The following CLCN3 variants were observed in gnomAD, a reference collection of about 807,000 sequenced individuals.
The protein encoded by CLCN3 is H(+)/Cl(-) exchange transporter 3.
Under a neutral mutation model 83.4 loss-of-function variants are expected in CLCN3, and 16 were observed. That is an observed-to-expected ratio of 0.19 (90% CI 0.13 to 0.29). The LOEUF (loss-of-function observed/expected upper bound fraction) is 0.29, where lower values mean the gene tolerates loss of function less well. Among genes scored for constraint, CLCN3 ranks in the 10% least tolerant of loss-of-function variants. CLCN3 has a pLI of 1.00. For synonymous variants in CLCN3, 322 were observed against 346.2 expected (o/e 0.93, Z 0.78); for missense variants, 544 against 1,006.0 (o/e 0.54, Z 6.21).
intron 2 of CLCN3, among the ~76,000 whole-genome samples, chr4:169,653,330 G>C (rs993709018): frequency 1.3e-5 from 2 of 151,972 alleles, no homozygotes; most frequent in Non-Finnish European, 2.9e-5. Context: ...AATACTTGAG[G>C]CCGGACAATT....
At chr4:169,674,072 C>A (rs533887989) in intron 2 of CLCN3, among the ~76,000 whole-genome samples, 5 of 152,158 alleles carry the variant, frequency 3.3e-5, no homozygotes, top group Admixed American at 6.5e-5. Context: ...TTCCAATATG[C>A]CAGTTGTCCC....
At chr4:169,624,937 G>T (rs543731029) in intron 1 of CLCN3, among the ~76,000 whole-genome samples, 15 of 151,932 alleles carry the variant, frequency 9.9e-5, no homozygotes, top group Non-Finnish European at 2.2e-4. Flanking sequence ...GATTACAGGT[G>T]CCCGCCACCA....
At chr4:169,709,498 A>C (rs1022039001) in intron 11 of CLCN3, among the ~76,000 whole-genome samples, 3 of 152,090 alleles carry the variant, frequency 2.0e-5, no homozygotes, top group African/African-American at 7.2e-5. Flanking sequence ...AGCCTGGCCA[A>C]TGTGGTGAAA....
rs1479715666 is a variant in CLCN3 at position 169,721,128 on chromosome 4, T to C, written c.*1131T>C. 1 of 152,240 alleles carries C rather than the reference T, an allele frequency of 6.6e-6. No homozygotes were observed. Among genetic ancestry groups the C allele is most frequent in the Non-Finnish European group, 1.5e-5 (1 of 68,046 alleles). The allele number at this position is 152,240 out of a possible 1,614,324, so 9.4% of individuals were successfully genotyped here. On this transcript the variant is annotated 3_prime_UTR_variant, in exon 13 of 13. Transcript: ENST00000513761. ...GCTGACACTGAAGAAGAAATGTAAT[T>C]CATAACTTGCACTAAATGTATATTT... is the stretch of plus-strand genomic sequence containing the variant.
At chr4:169,702,777 CAAAAAAAAAA>C (rs60812626) in intron 9 of CLCN3, 14 of 246,426 alleles carry the variant, frequency 5.7e-5, no homozygotes, top group African/African-American at 3.8e-4. Context: ...CCCATCTCTA[CAAAAAAAAAA>C]AAAAAAAAAA....
At chr4:169,642,032 G>A (rs1442008115) in intron 2 of CLCN3, among the ~76,000 whole-genome samples, 5 of 152,134 alleles carry the variant, frequency 3.3e-5, no homozygotes, top group South Asian at 4.1e-4. Flanking sequence ...TTGAGGTGAC[G>A]TAAAATGTAG....
intron 2 of CLCN3, among the ~76,000 whole-genome samples, chr4:169,647,789 A>G (rs1475975398): frequency 6.6e-6 from 1 of 152,224 alleles, no homozygotes; most frequent in Non-Finnish European, 1.5e-5. Context: ...GAGAAGCTCA[A>G]TTCCTACCTC....
intron 10 of CLCN3, among the ~76,000 whole-genome samples, chr4:169,706,364 C>T (rs1732995608): frequency 6.6e-6 from 1 of 151,836 alleles, no homozygotes; most frequent in Non-Finnish European, 1.5e-5. Context: ...TTACTTGCAT[C>T]GTTAATGTAA....
chr4:169,630,688 TC>T (rs1773347099), intron 1 of CLCN3, among the ~76,000 whole-genome samples: 1 of 151,928 alleles, frequency 6.6e-6, no homozygotes, highest in Admixed American at 6.6e-5. Flanking sequence ...CTGCCATCAC[TC>T]CCGGCTAATT....
chr4:169,690,684 A>G, intron 6 of CLCN3, 32 bp downstream of exon 6: 1 of 1,584,004 alleles, frequency 6.3e-7, no homozygotes, highest in Non-Finnish European at 8.6e-7. Context: ...GTCATTAAAC[A>G]TTATTATGAT....
At position 169,695,597 on chromosome 4, in the gene CLCN3, A is replaced by G. The variant is rs772933740; in HGVS notation, c.937-15A>G. The G allele has an allele frequency of 4.4e-6, 7 of 1,586,218 alleles. No homozygotes were observed. The South Asian group carries it at 4.5e-5, about 10-fold the overall frequency. The stretch of plus-strand genomic sequence containing the variant: ...TTTCTATGAAATTATGAAATAAGCC[A>G]TATCCTCTTTCTAGGTGCTATCAGC... On this transcript the variant is annotated splice_polypyrimidine_tract_variant and intron_variant, in intron 7 of 12. Transcript: ENST00000513761.
intron 1 of CLCN3, among the ~76,000 whole-genome samples, chr4:169,633,475 C>CT (rs1280405058): frequency 2.6e-5 from 4 of 151,046 alleles, no homozygotes; most frequent in African/African-American, 9.8e-5. Context: ...GTGTTAGAGT[C>CT]TAAATAGCCT....
At chr4:169,659,650 A>G (rs1213194380) in intron 2 of CLCN3, among the ~76,000 whole-genome samples, 2 of 150,804 alleles carry the variant, frequency 1.3e-5, no homozygotes, top group African/African-American at 4.9e-5. Context: ...GGTGAGTGGG[A>G]TAAAACACTA....
chr4:169,649,804 CT>C (rs1730681427), intron 2 of CLCN3, among the ~76,000 whole-genome samples: 1 of 152,146 alleles, frequency 6.6e-6, no homozygotes. Flanking sequence ...TGGTGAAAGG[CT>C]GGGCGCGGTG....
intron 2 of CLCN3, among the ~76,000 whole-genome samples, chr4:169,638,811 C>T: frequency 6.6e-6 from 1 of 152,150 alleles, no homozygotes; most frequent in East Asian, 1.9e-4. Context: ...GATAATTTTT[C>T]TAGAACCTTA....
At chr4:169,708,104 G>A (rs986315488) in intron 11 of CLCN3, among the ~76,000 whole-genome samples, 1 of 152,160 alleles carries the variant, frequency 6.6e-6, no homozygotes, top group African/African-American at 2.4e-5. Context: ...GACCCTGAAT[G>A]GAAGTGTCAA....
rs1356200210 is a variant in CLCN3 at position 169,723,114 on chromosome 4, C to T, written c.*3117C>T. Reference sequence around the variant, plus strand: ...TTTTATTTATACTAGTGTAGTAAAGCTGCATATCATTACAGTAAAAACGAC... The same window carrying T: ...TTTTATTTATACTAGTGTAGTAAAGTTGCATATCATTACAGTAAAAACGAC... On this transcript the variant is annotated 3_prime_UTR_variant, in exon 13 of 13. Transcript: ENST00000513761. The T allele has an allele frequency of 6.6e-6, 1 of 152,126 alleles. No individual in the cohort carries two copies. The highest frequency in any genetic ancestry group is 2.4e-5 in the African/African-American group (1 of 41,400). The allele number at this position is 152,126 out of a possible 1,614,324, so 9.4% of individuals were successfully genotyped here.
intron 9 of CLCN3, among the ~76,000 whole-genome samples, chr4:169,698,184 T>C (rs1434288477): frequency 6.6e-6 from 1 of 152,324 alleles, no homozygotes; most frequent in East Asian, 1.9e-4. Context: ...TGCATAATAA[T>C]CTCAGGGTAA....
At position 169,709,792 on chromosome 4, in the gene CLCN3, G is replaced by A. The variant is rs544952360; in HGVS notation, c.2149+2526G>A. 3.3e-5 allele frequency among the ~76,000 whole-genome samples: 5 copies of A among 152,232 alleles called. No individual in the cohort carries two copies. In the East Asian group the frequency reaches 7.7e-4, roughly 23 times the overall value. On this transcript the variant is annotated intron_variant, in intron 11 of 12. Coordinates refer to ENST00000513761, the MANE Select transcript of CLCN3 (RefSeq NM_001829.4). ...ATATTTTTTAAAAAATGAAGAAAATGAAAATTGTAATGTTCCTTATTTAAA... is the reference window on the plus strand; with the variant it reads ...ATATTTTTTAAAAAATGAAGAAAATAAAAATTGTAATGTTCCTTATTTAAA...
Sources: allele counts gnomAD v4.1 joint callset (sites outside exome capture counted in the v4.1 genomes callset), GRCh38; gene constraint gnomAD v4.1.1; transcripts MANE v1.5; gene names NCBI Gene and HGNC (gene_info 2026-07-23, HGNC 2026-07-21).